The following VPS8 variants were observed in gnomAD, a reference collection of about 807,000 sequenced individuals.
VPS8 encodes the protein vacuolar protein sorting-associated protein 8 homolog.
VPS8 carries 129 observed loss-of-function variants against 216.4 expected under a neutral mutation model. The observed-to-expected ratio is 0.60, with a 90% CI of 0.52 to 0.69. The LOEUF (loss-of-function observed/expected upper bound fraction) is 0.69, where lower values mean the gene tolerates loss of function less well. Ranked by LOEUF, VPS8 falls within the 30% of genes least tolerant of loss-of-function variation. The probability of loss-of-function intolerance (pLI) is 0.00; values close to 1 mark genes in which losing one functional copy is unlikely to be tolerated. For synonymous variants in VPS8, 571 were observed against 565.4 expected, an observed-to-expected ratio of 1.01 and a Z score of -0.14; for missense variants, 1,531 against 1,683.5, an observed-to-expected ratio of 0.91 and a Z score of 1.59.
At chr3:184,854,546 C>G (rs1330036744) in intron 13 of VPS8, among the ~76,000 whole-genome samples, 2 of 152,136 alleles carry the variant, frequency 1.3e-5, no homozygotes, top group Non-Finnish European at 2.9e-5. Context: ...ATTCGTTGCC[C>G]TTCTGAGTGC....
Position 184,849,924 on chromosome 3 carries a change from G to A in VPS8, c.667-12G>A, listed in dbSNP as rs750696086. Reference sequence around the variant, plus strand: ...AATAAATTTGTTTTTGAAGCACTTAGTTGTCTTATAGATCACCATGTGGGA... The same window carrying A: ...AATAAATTTGTTTTTGAAGCACTTAATTGTCTTATAGATCACCATGTGGGA... On this transcript the variant is annotated splice_polypyrimidine_tract_variant and intron_variant, in intron 9 of 47. Transcript: ENST00000625842. 1.2e-6 allele frequency: 2 copies of A among 1,606,558 alleles called. No homozygotes were observed.
intron 36 of VPS8, among the ~76,000 whole-genome samples, chr3:184,953,354 T>C (rs1745042281): frequency 6.6e-6 from 1 of 152,052 alleles, no homozygotes; most frequent in Admixed American, 6.5e-5. Flanking sequence ...CTTAAAAAGG[T>C]GGGATATCTT....
At chr3:184,829,891 C>G (rs753156383) in intron 3 of VPS8, among the ~76,000 whole-genome samples, 1 of 152,062 alleles carries the variant, frequency 6.6e-6, no homozygotes. Context: ...TATAGGAGTT[C>G]TTTATATATG....
chr3:184,940,122 G>A lies in VPS8; in HGVS notation c.2989-75G>A. On this transcript the variant is annotated intron_variant, in intron 35 of 47. Coordinates refer to ENST00000625842, the MANE Select transcript of VPS8 (RefSeq NM_001009921.3). ...TCTGTGCATAAAGGGATAGGTTAAA[G>A]TAGTTCTTTACCATGGAATATTTGA... 5.0e-6 allele frequency: 4 copies of A among 797,536 alleles called. No individual in the cohort carries two copies. The South Asian group carries it at 9.1e-5, about 18-fold the overall frequency. 49.4% of individuals were successfully genotyped at this position (797,536 alleles called of 1,614,324 possible).
intron 1 of VPS8, among the ~76,000 whole-genome samples, chr3:184,818,387 G>A (rs768443444): frequency 6.6e-6 from 1 of 151,994 alleles, no homozygotes; most frequent in Non-Finnish European, 1.5e-5. Context: ...GCTGGGCATG[G>A]TGGTGTGCGC....
chr3:184,856,223 T>C (rs1725229468), intron 14 of VPS8, among the ~76,000 whole-genome samples: 1 of 152,264 alleles, frequency 6.6e-6, no homozygotes, highest in South Asian at 2.1e-4. Context: ...TAATTTCATC[T>C]TCCACACAGC....
intron 5 of VPS8, chr3:184,836,361 C>A (rs752417547): frequency 7.5e-5 from 34 of 455,652 alleles, no homozygotes; most frequent in Non-Finnish European, 8.8e-6. Flanking sequence ...CTTTCAAAAT[C>A]AAGATGAACC....
At chr3:184,831,353 A>G (rs1388336098) in intron 3 of VPS8, among the ~76,000 whole-genome samples, 2 of 152,238 alleles carry the variant, frequency 1.3e-5, no homozygotes, top group Non-Finnish European at 2.9e-5. Flanking sequence ...GAACAAGAAC[A>G]TGCTAACAGA....
chr3:185,049,398 T>A (rs1229055201), intron 47 of VPS8, among the ~76,000 whole-genome samples: 1 of 152,126 alleles, frequency 6.6e-6, no homozygotes, highest in Non-Finnish European at 1.5e-5. Flanking sequence ...AGCAGAGACC[T>A]GGCAGCACTA....
intron 37 of VPS8, among the ~76,000 whole-genome samples, chr3:184,961,775 G>GT (rs1746566468): frequency 3.9e-5 from 4 of 102,932 alleles, no homozygotes; most frequent in African/African-American, 1.1e-4. Flanking sequence ...TTTTGTTTTT[G>GT]TTCTTTTTTT....
chr3:185,007,428 C>T (rs984436720), intron 45 of VPS8, among the ~76,000 whole-genome samples: 3 of 152,128 alleles, frequency 2.0e-5, no homozygotes, highest in East Asian at 1.9e-4. Flanking sequence ...TCTTCTTTGG[C>T]ATTGATTAGC....
intron 21 of VPS8, among the ~76,000 whole-genome samples, chr3:184,883,767 T>C (rs114978118): frequency 0.021 from 3,156 of 152,268 alleles, 94 homozygotes; most frequent in African/African-American, 0.071. Flanking sequence ...AGTATATCCA[T>C]AGTACTTAGT....
intron 21 of VPS8, among the ~76,000 whole-genome samples, chr3:184,877,090 CTT>C (rs1400995574): frequency 6.6e-6 from 1 of 152,192 alleles, no homozygotes; most frequent in Non-Finnish European, 1.5e-5. Flanking sequence ...CCTGTTCTCT[CTT>C]TACCCAGAGC....
At chr3:184,841,399 G>A (rs2108600195) in intron 7 of VPS8, among the ~76,000 whole-genome samples, 1 of 152,108 alleles carries the variant, frequency 6.6e-6, no homozygotes, top group East Asian at 1.9e-4. Flanking sequence ...TATTTTGTCT[G>A]TAACATCATT....
At chr3:184,859,907 A>G in intron 14 of VPS8, 78 bp from the exon 15 acceptor site, 1 of 1,002,246 alleles carries the variant, frequency 1.0e-6, no homozygotes, top group Non-Finnish European at 1.5e-6. Context: ...GTGATACTCT[A>G]GGTGGAGTAT....
chr3:184,865,370 A>G (rs190175970), intron 16 of VPS8, among the ~76,000 whole-genome samples: 13 of 152,332 alleles, frequency 8.5e-5, no homozygotes, highest in Admixed American at 4.6e-4. Flanking sequence ...TTTTAAAGCA[A>G]CCAGTGGGGA....
intron 43 of VPS8, 56 bp from the exon 44 acceptor site, chr3:184,996,276 A>G (rs747112361): frequency 8.9e-5 from 134 of 1,512,992 alleles, no homozygotes; most frequent in Non-Finnish European, 1.1e-4. Flanking sequence ...CATCTCCTCT[A>G]TCTCTTTCAT....
At chr3:184,855,597 T>C in intron 13 of VPS8, 114 bp from the exon 14 acceptor site, 1 of 856,186 alleles carries the variant, frequency 1.2e-6, no homozygotes, top group East Asian at 2.5e-5. Flanking sequence ...ACTGAGAAAT[T>C]GGGGAAAGTT....
chr3:184,915,264 C>G (rs1014637936), intron 27 of VPS8, 91 bp from the exon 28 acceptor site: 2 of 1,480,992 alleles, frequency 1.4e-6, no homozygotes, highest in Middle Eastern at 1.9e-4. Context: ...TGAATTCAGC[C>G]TGCCTTTATT....
Sources: gnomAD v4.1 joint callset for allele counts (sites outside exome capture counted in the v4.1 genomes callset) on GRCh38, gnomAD v4.1.1 for gene constraint, MANE v1.5 for transcripts, NCBI Gene and HGNC (gene_info 2026-07-23, HGNC 2026-07-21) for gene names.